LONRF1: variants seen among roughly 807,000 people sequenced by gnomAD.
The protein encoded by LONRF1 is LON peptidase N-terminal domain and RING finger protein 1.
In LONRF1, 37 loss-of-function variants were observed where a neutral mutation model predicts 85.8. That is an observed-to-expected ratio of 0.43 (90% CI 0.33 to 0.57). LONRF1 has a LOEUF of 0.57. Ranked by LOEUF, LONRF1 falls within the 20% of genes least tolerant of loss-of-function variation. The pLI, the probability that LONRF1 is intolerant of heterozygous loss-of-function variation, is 0.04. For synonymous variants in LONRF1, 517 were observed against 390.1 expected, an observed-to-expected ratio of 1.33 and a Z score of -3.83; for missense variants, 1,036 against 978.0, an observed-to-expected ratio of 1.06 and a Z score of -0.79.
In LONRF1 at chr8:12,751,309, T is replaced by TGTTTTTTGTTTTTTG. The variant is rs1563160728; in HGVS notation, c.721+3390_721+3391insCAAAAAACAAAAAAC. The stretch of plus-strand genomic sequence containing the variant: ...TTTTATTTTTATGTTTTTTTTTTTT[T>TGTTTTTTGTTTTTTG]TTTTTTTTTTTGAGACTGAGTCTTG... On this transcript the variant is annotated intron_variant, in intron 1 of 11. Coordinates refer to ENST00000398246, the MANE Select transcript of LONRF1 (RefSeq NM_152271.5). Among the ~76,000 whole-genome samples, 36 of 132,606 alleles carry TGTTTTTTGTTTTTTG rather than the reference T, an allele frequency of 2.7e-4. 2 individuals carry two copies. Among genetic ancestry groups the TGTTTTTTGTTTTTTG allele is most frequent in the African/African-American group, 9.5e-4 (34 of 35,780 alleles). 87.0% of individuals were successfully genotyped at this position (132,606 alleles called of 152,430 possible). A position where few individuals can be genotyped will look rare whatever the true frequency, so the allele number is the denominator to read the frequency against.
At chr8:12,736,058 C>T (rs1169290712) in intron 6 of LONRF1, among the ~76,000 whole-genome samples, 1 of 152,036 alleles carries the variant, frequency 6.6e-6, no homozygotes, top group Non-Finnish European at 1.5e-5. Flanking sequence ...AGTATAATCC[C>T]CTCACTTCAC....
chr8:12,746,988 T>C (rs1240282565), intron 1 of LONRF1, among the ~76,000 whole-genome samples: 2 of 152,238 alleles, frequency 1.3e-5, no homozygotes, highest in African/African-American at 2.4e-5. Flanking sequence ...TATATATACA[T>C]TATTTATTAA....
At chr8:12,737,946 T>C in intron 4 of LONRF1, 49 bp downstream of exon 4, 3 of 1,548,612 alleles carry the variant, frequency 1.9e-6, no homozygotes, top group South Asian at 1.3e-5. Flanking sequence ...TCTTAACTCG[T>C]AAAGAAATGG....
chr8:12,729,429 A>C, intron 8 of LONRF1, 97 bp from the exon 9 acceptor site: 1 of 1,198,272 alleles, frequency 8.3e-7, no homozygotes, highest in Non-Finnish European at 1.2e-6. Flanking sequence ...TAATGAACTA[A>C]TGTAAAGCAA....
chr8:12,751,227 T>C (rs1217819995), intron 1 of LONRF1, among the ~76,000 whole-genome samples: 1 of 151,338 alleles, frequency 6.6e-6, no homozygotes, highest in Non-Finnish European at 1.5e-5. Flanking sequence ...TCTGTGAAGA[T>C]CAAATGATAT....
intron 10 of LONRF1, 43 bp downstream of exon 10, chr8:12,728,858 C>A (rs1408777955): frequency 1.2e-6 from 2 of 1,609,380 alleles, no homozygotes; most frequent in African/African-American, 2.7e-5. Context: ...ATCCCTGGAA[C>A]AGGATATACG....
Position 12,743,240 on chromosome 8 carries a change from T to C in LONRF1, c.764A>G (p.Tyr255Cys). ...TGCTTTAAACTCTTGGAGACCAGCATATGATTCCGCTCTGTAAATTTTTAC... is the reference window on the plus strand; with the variant it reads ...TGCTTTAAACTCTTGGAGACCAGCACATGATTCCGCTCTGTAAATTTTTAC... ...LIVKIYRAES[Y>C]AGLQEFKAAI... Residue 255 changes from tyrosine to cysteine, a missense_variant, in exon 2 of 12, where the codon TAT becomes TGT. Physicochemically the swap from Tyr to Cys is radical, Grantham distance 194. Transcript: ENST00000398246. The C allele has an allele frequency of 6.2e-7, 1 of 1,613,004 alleles. No homozygotes were observed. The highest frequency in any genetic ancestry group is 8.5e-7 in the Non-Finnish European group (1 of 1,179,234).
chr8:12,723,359 C>T lies in LONRF1; in HGVS notation c.2164-105G>A. The T allele has an allele frequency of 4.9e-6, 5 of 1,024,848 alleles. No individual in the cohort carries two copies. The Admixed American group carries it at 7.7e-5, about 16-fold the overall frequency. 63.5% of individuals were successfully genotyped at this position (1,024,848 alleles called of 1,614,324 possible). A position where few individuals can be genotyped will look rare whatever the true frequency, so the allele number is the denominator to read the frequency against. Reference sequence around the variant, plus strand: ...ATTTATTGAGCACTTGTACTATGTGCCAGGTGCTATCTCCAATGTCCTTAA... The same window carrying T: ...ATTTATTGAGCACTTGTACTATGTGTCAGGTGCTATCTCCAATGTCCTTAA... On this transcript the variant is annotated intron_variant, in intron 11 of 11. Transcript: ENST00000398246.
chr8:12,753,046 T>A (rs1799472594), intron 1 of LONRF1: 1 of 152,246 alleles, frequency 6.6e-6, no homozygotes, highest in African/African-American at 2.4e-5. Context: ...TACTAGGTGG[T>A]CTGTACAACT....
chr8:12,729,893 G>A (rs554430806), intron 8 of LONRF1, among the ~76,000 whole-genome samples: 6 of 152,280 alleles, frequency 3.9e-5, no homozygotes, highest in African/African-American at 1.4e-4. Context: ...TAGAAAGAAA[G>A]AGAAGGATAA....
chr8:12,736,304 A>G lies in LONRF1; in HGVS notation c.1451+397T>C, dbSNP rs1227334504. On this transcript the variant is annotated intron_variant, in intron 6 of 11. Coordinates refer to ENST00000398246, the MANE Select transcript of LONRF1 (RefSeq NM_152271.5). ...AAGACTTTATGGTTAATATACATTA[A>G]TAAGATAGGATCATATACATAAAAT... Among the ~76,000 whole-genome samples, 4 of 152,216 alleles carry G rather than the reference A, an allele frequency of 2.6e-5. No individual in the cohort carries two copies. In the East Asian group the frequency reaches 7.7e-4, roughly 29 times the overall value.
intron 11 of LONRF1, 45 bp downstream of exon 11, chr8:12,725,682 G>C: frequency 6.3e-7 from 1 of 1,580,410 alleles, no homozygotes; most frequent in Non-Finnish European, 8.6e-7. Flanking sequence ...GCAAATTTGG[G>C]TTTATAAAAA....
chr8:12,730,376 G>A (rs1381741316), intron 8 of LONRF1, among the ~76,000 whole-genome samples: 1 of 152,160 alleles, frequency 6.6e-6, no homozygotes, highest in Non-Finnish European at 1.5e-5. Context: ...TTGAGTTGCA[G>A]ATTATGGCTT....
intron 1 of LONRF1, among the ~76,000 whole-genome samples, chr8:12,744,597 C>T (rs1026968358): frequency 6.6e-6 from 1 of 152,112 alleles, no homozygotes; most frequent in African/African-American, 2.4e-5. Context: ...AGCTTATAAT[C>T]TAGCTAGAAA....
rs753136278 is a variant in LONRF1, at chr8:12,727,709, A to C, written c.2010+1192T>G. Among the ~76,000 whole-genome samples, 93 of 152,348 alleles carry C rather than the reference A, an allele frequency of 6.1e-4. 2 individuals are homozygous for C. The highest frequency in any genetic ancestry group is 1.3e-3 in the Non-Finnish European group (87 of 68,026). On this transcript the variant is annotated intron_variant, in intron 10 of 11. Transcript: ENST00000398246. ...ATGGTTATTAACTTTACAAAGAAGA[A>C]CCTTTAGCAAGTGATTCCATTAACC... is the stretch of plus-strand genomic sequence containing the variant.
rs915362216 is a variant in LONRF1, at chr8:12,749,457, A to C, written c.721+5243T>G. On this transcript the variant is annotated intron_variant, in intron 1 of 11. Transcript: ENST00000398246. ...TTCCAATTTTGAGAAATACCTTTGG[A>C]AAGAGGCAGAACACTATACAAATTC... Among the ~76,000 whole-genome samples, 7 of 152,360 alleles carry C rather than the reference A, an allele frequency of 4.6e-5. No homozygotes were observed. In the South Asian group the frequency reaches 8.3e-4, roughly 18 times the overall value.
chr8:12,740,727 C>G lies in LONRF1; in HGVS notation c.963+147G>C, dbSNP rs967122299. ...AACTCAATATAATACGTACATGAACCTGAAAACCACTCAAATTATCACATT... is the reference window on the plus strand; with the variant it reads ...AACTCAATATAATACGTACATGAACGTGAAAACCACTCAAATTATCACATT... On this transcript the variant is annotated intron_variant, in intron 3 of 11. Transcript: ENST00000398246. The G allele has an allele frequency of 1.2e-5, 12 of 1,016,354 alleles. No individual in the cohort carries two copies. In the African/African-American group the frequency reaches 1.8e-4, roughly 15 times the overall value. The allele number at this position is 1,016,354 out of a possible 1,614,324, so 63.0% of individuals were successfully genotyped here. A position where few individuals can be genotyped will look rare whatever the true frequency, so the allele number is the denominator to read the frequency against.
chr8:12,740,382 C>G (rs1319484817), intron 3 of LONRF1, among the ~76,000 whole-genome samples: 2 of 152,126 alleles, frequency 1.3e-5, no homozygotes, highest in Non-Finnish European at 2.9e-5. Context: ...CCCTTCCTTC[C>G]CCCATCTCCT....
chr8:12,740,944 G>C lies in LONRF1; in HGVS notation c.893C>G (p.Ala298Gly), dbSNP rs1335615216. 6.2e-7 allele frequency: 1 copy of C among 1,613,474 alleles called. No homozygotes were observed. Among genetic ancestry groups the C allele is most frequent in the East Asian group, 2.2e-5 (1 of 44,854 alleles). The change falls in exon 3 of 12, where the codon GCC (alanine) becomes GGC (glycine). Residue 298 changes from alanine (A) to glycine (G), a missense_variant. Ala to Gly is a moderately conservative substitution (Grantham distance 60, BLOSUM62 0). This residue lies in a region of LONRF1 where 742 missense variants were observed against 614.4 expected (regional missense o/e 1.21). Transcript: ENST00000398246. ...TAAGCACTGAAGAAAGAGTTGTAAG[G>C]CATCACCTAAAAAACCAGCATCGCA... ...VLCDAGFLGDALQLFLQCLAL... is the reference protein window; with the variant it reads ...VLCDAGFLGDGLQLFLQCLAL...
Sources: allele counts gnomAD v4.1 joint callset (sites outside exome capture counted in the v4.1 genomes callset), GRCh38; gene constraint gnomAD v4.1.1; regional missense constraint gnomAD v4.1.1; transcripts MANE v1.5; gene names NCBI Gene and HGNC (gene_info 2026-07-23, HGNC 2026-07-21).